Variants in GRM7 observed in about 807,000 individuals in gnomAD.
The protein encoded by GRM7 is metabotropic glutamate receptor 7.
In GRM7, 35 loss-of-function variants were observed where a neutral mutation model predicts 84.5. The ratio of observed to expected loss-of-function variants is 0.41; its 90% CI spans 0.32 to 0.55. The LOEUF (loss-of-function observed/expected upper bound fraction) is 0.55. Among genes scored for constraint, GRM7 ranks in the 20% least tolerant of loss-of-function variants. GRM7 has a pLI of 0.19. For missense variants in GRM7, 1,003 were observed against 1,194.6 expected, an observed-to-expected ratio of 0.84 and a Z score of 2.36; for synonymous variants, 487 against 455.1, an observed-to-expected ratio of 1.07 and a Z score of -0.89.
intron 2 of GRM7, among the ~76,000 whole-genome samples, chr3:7,182,806 A>G (rs1462761011): frequency 6.6e-6 from 1 of 152,028 alleles, no homozygotes; most frequent in East Asian, 1.9e-4. Flanking sequence ...TCCACAAGGG[A>G]AATAGACTAT....
chr3:7,726,779 C>T (rs1354225247), intron 9 of GRM7, among the ~76,000 whole-genome samples: 1 of 149,692 alleles, frequency 6.7e-6, no homozygotes, highest in Admixed American at 6.7e-5. Context: ...ACCTCAATAT[C>T]ATTTCTCATC....
intron 4 of GRM7, among the ~76,000 whole-genome samples, chr3:7,322,722 C>T (rs186190116): frequency 5.9e-5 from 9 of 152,108 alleles, no homozygotes; most frequent in South Asian, 2.1e-4. Context: ...AGGTTGCTGA[C>T]GATGCCATTA....
In GRM7 at chr3:7,589,009, C is replaced by T. The variant is rs151180066; in HGVS notation, c.2451+9652C>T. Among the ~76,000 whole-genome samples the T allele has an allele frequency of 1.5e-3, 221 of 152,342 alleles. 1 individual carries two copies. Among genetic ancestry groups the T allele is most frequent in the African/African-American group, 4.8e-3 (200 of 41,586 alleles). The stretch of plus-strand genomic sequence containing the variant: ...AATGATTGGGTTTTAGCATCAAGGC[C>T]AGATATTTAGGCTGGCGAAATCTGC... On this transcript the variant is annotated intron_variant, in intron 8 of 9. Transcript: ENST00000357716.
chr3:7,386,658 C>G (rs1214429664), intron 4 of GRM7, among the ~76,000 whole-genome samples: 1 of 152,168 alleles, frequency 6.6e-6, no homozygotes, highest in Non-Finnish European at 1.5e-5. Flanking sequence ...ACCACATCAT[C>G]CAATTCACCA....
intron 8 of GRM7, among the ~76,000 whole-genome samples, chr3:7,659,678 A>G (rs995918181): frequency 6.6e-6 from 1 of 152,238 alleles, no homozygotes; most frequent in African/African-American, 2.4e-5. Flanking sequence ...AGATTGGTTC[A>G]TAGCTTATAA....
chr3:7,651,067 GCTTAAATAGCACAGGGTGTTCATA>G (rs1698915173), intron 8 of GRM7, among the ~76,000 whole-genome samples: 2 of 152,154 alleles, frequency 1.3e-5, no homozygotes, highest in African/African-American at 4.8e-5. Flanking sequence ...AACACATGAA[GCTTAAATAGCACAGGGTGTTCATA>G]CAGTTCACGT....
chr3:7,576,809 A>G (rs1024336511), intron 7 of GRM7, among the ~76,000 whole-genome samples: 1 of 152,182 alleles, frequency 6.6e-6, no homozygotes, highest in Non-Finnish European at 1.5e-5. Context: ...TACTAAAACT[A>G]TTTCATGCAT....
At chr3:7,680,954 T>C (rs1700343466) in intron 9 of GRM7, 1 of 152,478 alleles carries the variant, frequency 6.6e-6, no homozygotes, top group African/African-American at 2.4e-5. Context: ...TGCTATTATA[T>C]GGCATATCTG....
At chr3:7,654,030 C>T (rs1278527806) in intron 8 of GRM7, among the ~76,000 whole-genome samples, 1 of 152,086 alleles carries the variant, frequency 6.6e-6, no homozygotes, top group Non-Finnish European at 1.5e-5. Flanking sequence ...TGCCAGAAAA[C>T]TTATAATCAT....
intron 1 of GRM7, among the ~76,000 whole-genome samples, chr3:7,092,600 TGG>T (rs34531178): frequency 4.2e-4 from 60 of 144,144 alleles, no homozygotes; most frequent in South Asian, 1.1e-3. Flanking sequence ...TTCTTTGAAT[TGG>T]GGGGGGGGCA....
At chr3:7,480,559 G>T (rs1030334902) in intron 7 of GRM7, among the ~76,000 whole-genome samples, 3 of 152,172 alleles carry the variant, frequency 2.0e-5, no homozygotes, top group African/African-American at 4.8e-5. Flanking sequence ...TAAATAAAAA[G>T]TAAATGAGCA....
intron 1 of GRM7, among the ~76,000 whole-genome samples, chr3:6,864,500 G>A (rs764512291): frequency 6.6e-6 from 1 of 152,166 alleles, no homozygotes; most frequent in Non-Finnish European, 1.5e-5. Context: ...CTTAGAGGGA[G>A]AGAAAAAGGA....
At chr3:7,566,773 C>G (rs565563788) in intron 7 of GRM7, among the ~76,000 whole-genome samples, 6 of 152,102 alleles carry the variant, frequency 3.9e-5, no homozygotes, top group African/African-American at 1.2e-4. Context: ...CTGAAGATTT[C>G]CCGTAAGGCT....
intron 8 of GRM7, among the ~76,000 whole-genome samples, chr3:7,612,756 A>G (rs1696901393): frequency 1.3e-5 from 2 of 152,216 alleles, no homozygotes; most frequent in Non-Finnish European, 2.9e-5. Flanking sequence ...GGGAAGAATT[A>G]GATTTTAGAG....
chr3:7,336,048 GA>G (rs1257446116), intron 4 of GRM7, among the ~76,000 whole-genome samples: 1 of 151,586 alleles, frequency 6.6e-6, no homozygotes, highest in East Asian at 1.9e-4. Flanking sequence ...ATCATTCTAT[GA>G]AACCAGTATC....
chr3:7,214,842 C>T (rs1427243496), intron 2 of GRM7, among the ~76,000 whole-genome samples: 1 of 152,154 alleles, frequency 6.6e-6, no homozygotes, highest in Admixed American at 6.5e-5. Flanking sequence ...GTTATTCAGA[C>T]ACCTAGAGAT....
intron 4 of GRM7, among the ~76,000 whole-genome samples, chr3:7,412,952 T>A (rs543877749): frequency 6.6e-6 from 1 of 151,970 alleles, no homozygotes; most frequent in African/African-American, 2.4e-5. Context: ...TTGGCTCTAG[T>A]AGAAAGTTTA....
chr3:7,222,069 A>G (rs976533120), intron 2 of GRM7, among the ~76,000 whole-genome samples: 1 of 152,082 alleles, frequency 6.6e-6, no homozygotes, highest in Admixed American at 6.5e-5. Context: ...TCAGCCTCCC[A>G]AAGTGCTAGG....
chr3:7,737,843 ATTTTTTT>A (rs35087158), intron 9 of GRM7, among the ~76,000 whole-genome samples: 4 of 134,470 alleles, frequency 3.0e-5, no homozygotes, highest in Non-Finnish European at 6.4e-5. Context: ...TATTCTCCCA[ATTTTTTT>A]TTTTTTTTTT....
Sources: gnomAD v4.1 joint callset for allele counts (sites outside exome capture counted in the v4.1 genomes callset) on GRCh38, gnomAD v4.1.1 for gene constraint, MANE v1.5 for transcripts, NCBI Gene and HGNC (gene_info 2026-07-23, HGNC 2026-07-21) for gene names.